Variants in APOL2 observed in about 807,000 individuals in gnomAD.
APOL2 encodes apolipoprotein L2, also known as apolipoprotein L, 2.
In APOL2, 8 loss-of-function variants were observed where a neutral mutation model predicts 7.1. That is an observed-to-expected ratio of 1.12 (90% CI 0.66 to 2.03). The LOEUF is 2.03. Among genes scored for constraint, APOL2 ranks in the 30% most tolerant of loss-of-function variants. The probability of loss-of-function intolerance (pLI) is 0.00; values close to 1 mark genes in which losing one functional copy is unlikely to be tolerated. For missense variants in APOL2, 471 were observed against 415.1 expected, an observed-to-expected ratio of 1.13 and a Z score of -1.17; for synonymous variants, 177 against 159.9, an observed-to-expected ratio of 1.11 and a Z score of -0.81.
Position 36,228,265 on chromosome 22 carries a change from C to A in APOL2, c.153G>T (p.Glu51Asp). 1 of 1,613,270 alleles carries A rather than the reference C, an allele frequency of 6.2e-7. No homozygotes were observed. The highest frequency in any genetic ancestry group is 8.5e-7 in the Non-Finnish European group (1 of 1,179,606). ...AAELPRDEAD[E>D]LRKALNKLAS... is the part of the protein sequence containing the mutation. Reference sequence around the variant, plus strand: ...CAAGCTTGTTCAGAGCTTTACGGAGCTCATCTGCCTCATCCCTGCACAAGG... The same window carrying A: ...CAAGCTTGTTCAGAGCTTTACGGAGATCATCTGCCTCATCCCTGCACAAGG... The change falls in exon 5 of 5, where the codon GAG (glutamate) becomes GAT (aspartate). Residue 51 changes from glutamate (E) to aspartate (D), a missense_variant. By Grantham distance (45) the Glu-to-Asp change is conservative. Transcript: ENST00000358502.
chr22:36,228,442 T>C (rs1409597387), intron 4 of APOL2, among the ~76,000 whole-genome samples, 162 bp from the exon 5 acceptor site: 3 of 152,222 alleles, frequency 2.0e-5, no homozygotes, highest in Non-Finnish European at 4.4e-5. Context: ...TCAAACACAT[T>C]TTGTTCATCA....
chr22:36,239,020 G>T (rs898009861), intron 1 of APOL2: 2 of 710,258 alleles, frequency 2.8e-6, no homozygotes, highest in Admixed American at 4.4e-5. Flanking sequence ...GCACCCTGGG[G>T]CCAGCCTGGG....
At chr22:36,236,533 A>T (rs1206623500) in intron 1 of APOL2, 1 of 978,770 alleles carries the variant, frequency 1.0e-6, no homozygotes, top group Non-Finnish European at 1.2e-6. Flanking sequence ...TAATAATGAT[A>T]ATACCGATTC....
intron 4 of APOL2, among the ~76,000 whole-genome samples, chr22:36,229,376 C>G (rs527249085): frequency 4.2e-5 from 6 of 143,292 alleles, no homozygotes; most frequent in South Asian, 2.1e-4. Context: ...AACAACAATC[C>G]TGAATAAAGG....
chr22:36,239,556 T>C (rs1233851482), upstream of APOL2: 2 of 1,545,940 alleles, frequency 1.3e-6, no homozygotes, highest in African/African-American at 1.4e-5. Context: ...GCCTCCCAGA[T>C]ATACCCTGGA....
At position 36,228,167 on chromosome 22, in the gene APOL2, T is replaced by A; in HGVS notation, c.251A>T (p.Glu84Val). 1 of 1,614,184 alleles carries A rather than the reference T, an allele frequency of 6.2e-7. No individual in the cohort carries two copies. The highest frequency in any genetic ancestry group is 2.2e-5 in the East Asian group (1 of 44,872). ...DQQHRQWFLK[E>V]FPRLKRELED... ...AAGCTCCCTTTTCAACCGAGGAAAC[T>A]CTTTCAAAAACCACTGCCTGTGCTG... Residue 84 changes from glutamate to valine, a missense_variant, in exon 5 of 5, where the codon GAG becomes GTG. Coordinates refer to ENST00000358502, the MANE Select transcript of APOL2 (RefSeq NM_030882.4).
At chr22:36,235,452 T>C (rs535846669) in intron 1 of APOL2, among the ~76,000 whole-genome samples, 1 of 152,152 alleles carries the variant, frequency 6.6e-6, no homozygotes, top group South Asian at 2.1e-4. Flanking sequence ...ACCCATGTCC[T>C]CAGGGAGATT....
At position 36,233,229 on chromosome 22, in the gene APOL2, GT is replaced by G; in HGVS notation, c.-68del. The G allele has an allele frequency of 1.2e-6, 2 of 1,614,076 alleles. No individual in the cohort carries two copies. Among genetic ancestry groups the G allele is most frequent in the Non-Finnish European group, 1.7e-6 (2 of 1,179,988 alleles). ...CTCCAGTCACTGTCCAGACTGGAAG[GT>G]TTTCCTTAACCCTTGAGAACGAGAA... On this transcript the variant is annotated 5_prime_UTR_variant, in exon 3 of 5. Coordinates refer to ENST00000358502, the MANE Select transcript of APOL2 (RefSeq NM_030882.4).
chr22:36,233,237 T>A lies in APOL2; in HGVS notation c.-75A>T. ...ACTGTCCAGACTGGAAGGTTTTCCT[T>A]AACCCTTGAGAACGAGAAAACAAAT... On this transcript the variant is annotated 5_prime_UTR_variant, in exon 3 of 5. It removes the in-frame stop codon of an upstream open reading frame in the 5' UTR. Transcript: ENST00000358502. 6.2e-7 allele frequency: 1 copy of A among 1,614,030 alleles called. No homozygotes were observed. The highest frequency in any genetic ancestry group is 8.5e-7 in the Non-Finnish European group (1 of 1,179,970).
At position 36,226,503 on chromosome 22, in the gene APOL2, G is replaced by A. The variant is rs1278200528; in HGVS notation, c.*901C>T. 6.6e-6 allele frequency: 1 copy of A among 152,358 alleles called. No homozygotes were observed. The highest frequency in any genetic ancestry group is 2.1e-4 in the South Asian group (1 of 4,830). The allele number at this position is 152,358 out of a possible 1,614,324, so 9.4% of individuals were successfully genotyped here. A position where few individuals can be genotyped will look rare whatever the true frequency, so the allele number is the denominator to read the frequency against. ...GACATGCACCCTTTAGTAACCTGGA[G>A]GGGACCCGTCACATGACAACCACCC... On this transcript the variant is annotated 3_prime_UTR_variant, in exon 5 of 5. Transcript: ENST00000358502.
In APOL2 at chr22:36,227,508, A is replaced by G; in HGVS notation, c.910T>C (p.Ser304Pro). The G allele has an allele frequency of 6.2e-7, 1 of 1,613,978 alleles. No individual in the cohort carries two copies. Among genetic ancestry groups the G allele is most frequent in the Non-Finnish European group, 8.5e-7 (1 of 1,179,992 alleles). Residue 304 changes from serine to proline, a missense_variant, in exon 5 of 5, where the codon TCA becomes CCA. Ser to Pro is a moderately conservative substitution (Grantham distance 74). Coordinates refer to ENST00000358502, the MANE Select transcript of APOL2 (RefSeq NM_030882.4). Reference protein sequence around the residue: ...ESKHLLEGAKSESAEELKKRA... With the variant: ...ESKHLLEGAKPESAEELKKRA... ...TTCTTCAGCTCCTCAGCTGACTCTG[A>G]CTTTGCCCCCTCAAGCAAGTGCTTT... is the stretch of plus-strand genomic sequence containing the variant.
Position 36,228,249 on chromosome 22 carries a change from T to C in APOL2, c.169A>G (p.Asn57Asp), listed in dbSNP as rs1392217999. ...ATGACCATGTGACTTGCAAGCTTGT[T>C]CAGAGCTTTACGGAGCTCATCTGCC... ...DEADELRKAL[N>D]KLASHMVMKD... is the part of the protein sequence containing the mutation. Residue 57 changes from asparagine to aspartate, a missense_variant, in exon 5 of 5, where the codon AAC (asparagine) becomes GAC (aspartate). Transcript: ENST00000358502. The C allele has an allele frequency of 6.2e-7, 1 of 1,614,168 alleles. No individual in the cohort carries two copies. The highest frequency in any genetic ancestry group is 8.5e-7 in the Non-Finnish European group (1 of 1,180,010).
intron 4 of APOL2, among the ~76,000 whole-genome samples, chr22:36,230,215 C>T (rs910080315): frequency 6.6e-6 from 1 of 152,188 alleles, no homozygotes; most frequent in East Asian, 1.9e-4. Flanking sequence ...CCTGAAATTA[C>T]ACAAATTGGC....
chr22:36,227,392 A>T lies in APOL2; in HGVS notation c.*12T>A. On this transcript the variant is annotated 3_prime_UTR_variant, in exon 5 of 5. Coordinates refer to ENST00000358502, the MANE Select transcript of APOL2 (RefSeq NM_030882.4). ...CCGGCATTTCTGCCCTGGTGGCTGC[A>T]CTGCTCTGGGGTCATTGGTCTTGGC... 6.3e-7 allele frequency: 1 copy of T among 1,583,826 alleles called. No homozygotes were observed. Among genetic ancestry groups the T allele is most frequent in the South Asian group, 1.2e-5 (1 of 86,032 alleles).
chr22:36,237,076 G>A (rs1355421594), intron 1 of APOL2: 2 of 1,529,290 alleles, frequency 1.3e-6, no homozygotes, highest in Admixed American at 4.1e-5. Flanking sequence ...CAATACTTGT[G>A]AGGAGCTGCA....
intron 1 of APOL2, chr22:36,239,027 TG>T: frequency 1.3e-6 from 1 of 778,042 alleles, no homozygotes; most frequent in Non-Finnish European, 1.7e-6. Context: ...GGGGCCAGCC[TG>T]GGTGTGGCCC....
chr22:36,235,754 TGG>T (rs141440525), intron 1 of APOL2, among the ~76,000 whole-genome samples: 8,487 of 97,336 alleles, frequency 0.087, 257 homozygotes, highest in South Asian at 0.17. Flanking sequence ...GGTGGGTGGG[TGG>T]GTGTGTGTGT....
chr22:36,236,631 C>T (rs1490675395), intron 1 of APOL2: 1 of 985,304 alleles, frequency 1.0e-6, no homozygotes, highest in Non-Finnish European at 1.2e-6. Context: ...ACACCCACTT[C>T]CAGCAGCTGG....
In APOL2 at chr22:36,237,224, C is replaced by T. The variant is rs749711252; in HGVS notation, c.-134+2217G>A. On this transcript the variant is annotated intron_variant, in intron 1 of 4. Transcript: ENST00000358502. The stretch of plus-strand genomic sequence containing the variant: ...TGTACTCCATGGGTGAGCCTGCAGG[C>T]TGGTCAATTCCGGTGTCCAACTGAG... 28 of 1,378,896 alleles carry T rather than the reference C, an allele frequency of 2.0e-5. No individual in the cohort carries two copies. The South Asian group carries it at 2.8e-4, about 14-fold the overall frequency. 85.4% of individuals were successfully genotyped at this position (1,378,896 alleles called of 1,614,324 possible).
Sources: gnomAD v4.1 joint callset for allele counts (sites outside exome capture counted in the v4.1 genomes callset) on GRCh38, gnomAD v4.1.1 for gene constraint, MANE v1.5 for transcripts, NCBI Gene and HGNC (gene_info 2026-07-23, HGNC 2026-07-21) for gene names.